TBC1D9B: variants seen among roughly 807,000 people sequenced by gnomAD.
TBC1D9B encodes the protein TBC1 domain family, member 9B (with GRAM domain).
Under a neutral mutation model 121.1 loss-of-function variants are expected in TBC1D9B, and 87 were observed. The ratio of observed to expected loss-of-function variants is 0.72; its 90% CI spans 0.60 to 0.86. The LOEUF is 0.86. Among genes scored for constraint, TBC1D9B ranks in the 40% least tolerant of loss-of-function variants. The pLI, the probability that TBC1D9B is intolerant of heterozygous loss-of-function variation, is 0.00. For synonymous variants in TBC1D9B, 668 were observed against 670.1 expected, an observed-to-expected ratio of 1.00 and a Z score of 0.05; for missense variants, 1,540 against 1,628.6, an observed-to-expected ratio of 0.95 and a Z score of 0.94.
chr5:179,863,134 A>C lies in TBC1D9B; in HGVS notation c.*314T>G, dbSNP rs761856655. The C allele has an allele frequency of 3.2e-5, 12 of 378,754 alleles. No homozygotes were observed. Among genetic ancestry groups the C allele is most frequent in the Non-Finnish European group, 4.8e-5 (10 of 206,338 alleles). The allele number at this position is 378,754 out of a possible 1,614,324, so 23.5% of individuals were successfully genotyped here. A position where few individuals can be genotyped will look rare whatever the true frequency, so the allele number is the denominator to read the frequency against. On this transcript the variant is annotated 3_prime_UTR_variant, in exon 21 of 21. Transcript: ENST00000355235. The surrounding 1 kb of genome is among the most constrained non-coding windows in gnomAD (Gnocchi z 4.5). ...TGGAGCACAGAGGTATGAGGCAAGC[A>C]AGGGCAGATCTGAGAGCCTGTAATG...
intron 7 of TBC1D9B, among the ~76,000 whole-genome samples, chr5:179,882,285 C>G (rs1760564756): frequency 6.6e-6 from 1 of 152,170 alleles, no homozygotes; most frequent in Non-Finnish European, 1.5e-5. Flanking sequence ...TGTACTATGT[C>G]TCCATCATCA....
At chr5:179,877,608 G>A (rs962511524) in intron 10 of TBC1D9B, among the ~76,000 whole-genome samples, 1 of 147,592 alleles carries the variant, frequency 6.8e-6, no homozygotes, top group African/African-American at 2.5e-5. Flanking sequence ...AGGTTGCAGT[G>A]AGCTGAGACT....
chr5:179,897,618 C>T (rs1348677600), intron 3 of TBC1D9B, among the ~76,000 whole-genome samples: 1 of 152,238 alleles, frequency 6.6e-6, no homozygotes, highest in African/African-American at 2.4e-5. Flanking sequence ...AGCCACCACA[C>T]CTGGCCTCAA....
rs1761191477 is a variant in TBC1D9B at position 179,902,472 on chromosome 5, T to C, written c.229+2230A>G. On this transcript the variant is annotated intron_variant, in intron 2 of 20. Coordinates refer to ENST00000355235, the MANE Select transcript of TBC1D9B (RefSeq NM_015043.4). The surrounding 1 kb of genome is among the most constrained non-coding windows in gnomAD (Gnocchi z 4.9). ...GGTGAGTTGCTTCTGGGGCCTAGCCTGGCTGGCAGGAAAGGGAGGCACAGC... is the reference window on the plus strand; with the variant it reads ...GGTGAGTTGCTTCTGGGGCCTAGCCCGGCTGGCAGGAAAGGGAGGCACAGC... Among the ~76,000 whole-genome samples, 1 of 152,086 alleles carries C rather than the reference T, an allele frequency of 6.6e-6. No individual in the cohort carries two copies. The highest frequency in any genetic ancestry group is 2.1e-4 in the South Asian group (1 of 4,818).
intron 7 of TBC1D9B, among the ~76,000 whole-genome samples, chr5:179,884,938 G>A (rs1760636369): frequency 2.0e-5 from 3 of 152,128 alleles, no homozygotes; most frequent in Admixed American, 2.0e-4. Context: ...TGGTGGTGAT[G>A]GCATAGCAAT....
At position 179,864,042 on chromosome 5, in the gene TBC1D9B, G is replaced by C; in HGVS notation, c.3108C>G (p.Thr1036=). Residue 1036 remains threonine (T), a synonymous_variant, in exon 21 of 21, where the codon ACC becomes ACG. Transcript: ENST00000355235. ...CGATGCGGAGCAGGAGGCTGGCCAC[G>C]GTGGCGATGGCGTGGTACAGGTCCT... ...MEQDLYHAIA[T]VASLLLRIGE... is the part of the protein sequence containing the mutation. 3 of 1,613,734 alleles carry C rather than the reference G, an allele frequency of 1.9e-6. No homozygotes were observed. The highest frequency in any genetic ancestry group is 2.5e-6 in the Non-Finnish European group (3 of 1,180,040).
Position 179,870,492 on chromosome 5 carries a change from T to G in TBC1D9B, c.2488A>C (p.Lys830Gln), listed in dbSNP as rs1366535829. ...LEDLYMVFKA[K>Q]HLASQYWGCS... The stretch of plus-strand genomic sequence containing the variant: ...CCCCAGTACTGGCTAGCCAGGTGCT[T>G]GGCCTGTGGGACACGGTCTGGTGAG... Residue 830 changes from lysine (K) to glutamine (Q), a missense_variant, in exon 16 of 21, where the codon AAG (lysine) becomes CAG (glutamine). By Grantham distance (53) the Lys-to-Gln change is moderately conservative (BLOSUM62 1). Coordinates refer to ENST00000355235, the MANE Select transcript of TBC1D9B (RefSeq NM_015043.4). The G allele has an allele frequency of 6.2e-7, 1 of 1,607,494 alleles. No homozygotes were observed. Among genetic ancestry groups the G allele is most frequent in the Non-Finnish European group, 8.5e-7 (1 of 1,179,196 alleles).
At chr5:179,883,543 T>G (rs1760596921) in intron 7 of TBC1D9B, among the ~76,000 whole-genome samples, 1 of 152,162 alleles carries the variant, frequency 6.6e-6, no homozygotes, top group Non-Finnish European at 1.5e-5. Flanking sequence ...GTTTTTTTTT[T>G]CTTATTTCCT....
chr5:179,881,280 C>T (rs1760534602), intron 7 of TBC1D9B, among the ~76,000 whole-genome samples: 1 of 152,200 alleles, frequency 6.6e-6, no homozygotes, highest in South Asian at 2.1e-4. Context: ...GAGGTAACCA[C>T]CTCACATAAA....
At chr5:179,899,133 C>T (rs545269722) in intron 3 of TBC1D9B, 56 bp downstream of exon 3, 16 of 1,440,060 alleles carry the variant, frequency 1.1e-5, no homozygotes, top group Middle Eastern at 1.8e-4. Flanking sequence ...GGATAATACA[C>T]GAGAACACTG....
Position 179,862,592 on chromosome 5 carries a change from GGCAGACCTT to G in TBC1D9B, c.*847_*855del. Reference sequence around the variant, plus strand: ...CAGGTTCTGCGTCTCCATCTGACCTGGCAGACCTTGCACTCTTCCACCCACTGTGGAGGA... The same window carrying G: ...CAGGTTCTGCGTCTCCATCTGACCTGGCACTCTTCCACCCACTGTGGAGGA... On this transcript the variant is annotated 3_prime_UTR_variant, in exon 21 of 21. Transcript: ENST00000355235. The G allele has an allele frequency of 2.2e-6, 1 of 456,582 alleles. No individual in the cohort carries two copies. The highest frequency in any genetic ancestry group is 6.9e-5 in the East Asian group (1 of 14,396). 28.3% of individuals were successfully genotyped at this position (456,582 alleles called of 1,614,324 possible).
Position 179,875,882 on chromosome 5 carries a change from C to A in TBC1D9B, c.1900+38G>T. ...CCACCCTCATGGAACCAGCAGGCAC[C>A]TGGAGACCCAGGCGAGGCAGCACCC... On this transcript the variant is annotated intron_variant, in intron 11 of 20. Coordinates refer to ENST00000355235, the MANE Select transcript of TBC1D9B (RefSeq NM_015043.4). This position sits in a 1 kb window ranked among gnomAD's most constrained non-coding sequence, Gnocchi z 4.5. 6.5e-7 allele frequency: 1 copy of A among 1,530,760 alleles called. No homozygotes were observed. Among genetic ancestry groups the A allele is most frequent in the Non-Finnish European group, 8.8e-7 (1 of 1,132,876 alleles). 94.8% of individuals were successfully genotyped at this position (1,530,760 alleles called of 1,614,324 possible). A position where few individuals can be genotyped will look rare whatever the true frequency, so the allele number is the denominator to read the frequency against.
At chr5:179,864,683 T>A (rs1462083573) in intron 20 of TBC1D9B, among the ~76,000 whole-genome samples, 3 of 152,086 alleles carry the variant, frequency 2.0e-5, no homozygotes, top group Non-Finnish European at 4.4e-5. Flanking sequence ...TCGCACGTGG[T>A]GCCCACCCTC....
At chr5:179,906,357 G>C (rs1014916502) in intron 1 of TBC1D9B, among the ~76,000 whole-genome samples, 4 of 152,166 alleles carry the variant, frequency 2.6e-5, no homozygotes, top group Non-Finnish European at 4.4e-5. Context: ...CGGAGAGTGA[G>C]GTGGAAAGGA....
intron 6 of TBC1D9B, among the ~76,000 whole-genome samples, chr5:179,889,307 C>T (rs977990364): frequency 2.0e-5 from 3 of 151,962 alleles, no homozygotes; most frequent in Admixed American, 6.6e-5. Context: ...GGATTACAGG[C>T]GTGAGCCACC....
rs1347891538 is a variant in TBC1D9B, at chr5:179,891,388, G to A, written c.1035C>T (p.Pro345=). 2 of 1,614,202 alleles carry A rather than the reference G, an allele frequency of 1.2e-6. No homozygotes were observed. Among genetic ancestry groups the A allele is most frequent in the Middle Eastern group, 1.6e-4 (1 of 6,062 alleles). ...KEEDACHLII[P]LREVTIVEKA... ...ACTAGGGGATGCTGACCTCCCTCAG[G>A]GGTATGATGAGGTGGCAAGCGTCCT... Residue 345 remains proline, a synonymous_variant, in exon 6 of 21, where the codon CCC becomes CCT. Coordinates refer to ENST00000355235, the MANE Select transcript of TBC1D9B (RefSeq NM_015043.4). The surrounding 1 kb of genome is among the most constrained non-coding windows in gnomAD (Gnocchi z 4.3).
At position 179,871,231 on chromosome 5, in the gene TBC1D9B, G is replaced by C. The variant is rs147787888; in HGVS notation, c.2484+231C>G. Among the ~76,000 whole-genome samples the C allele has an allele frequency of 6.2e-4, 94 of 152,296 alleles. No homozygotes were observed. In the Middle Eastern group the frequency reaches 0.01, roughly 17 times the overall value. On this transcript the variant is annotated intron_variant, in intron 15 of 20. Transcript: ENST00000355235. ...TTCCCTCTTCTGTGTAAGATGACTT[G>C]AATGGATTTGCTGCCATTTAAGAGG...
Position 179,875,469 on chromosome 5 carries a change from C to T in TBC1D9B, c.1901-282G>A, listed in dbSNP as rs1760333036. Among the ~76,000 whole-genome samples the T allele has an allele frequency of 6.6e-6, 1 of 152,246 alleles. No homozygotes were observed. Among genetic ancestry groups the T allele is most frequent in the South Asian group, 2.1e-4 (1 of 4,838 alleles). On this transcript the variant is annotated intron_variant, in intron 11 of 20. Coordinates refer to ENST00000355235, the MANE Select transcript of TBC1D9B (RefSeq NM_015043.4). This position sits in a 1 kb window ranked among gnomAD's most constrained non-coding sequence, Gnocchi z 4.5. ...AGGCATGAGAGGTAAACAGCACCCT[C>T]AATGACTCTGTCCCATCCTGATGAT...
chr5:179,900,554 T>A (rs754864987), intron 2 of TBC1D9B, among the ~76,000 whole-genome samples: 1 of 152,198 alleles, frequency 6.6e-6, no homozygotes, highest in Non-Finnish European at 1.5e-5. Context: ...CCGCGAACAC[T>A]GAGTTAGCGA....
Sources: gnomAD v4.1 joint callset for allele counts (sites outside exome capture counted in the v4.1 genomes callset) on GRCh38, gnomAD v4.1.1 for gene constraint, Gnocchi (gnomAD v3.1) non-coding constraint, MANE v1.5 for transcripts, NCBI Gene and HGNC (gene_info 2026-07-23, HGNC 2026-07-21) for gene names.